ZBTB20: variants seen among roughly 807,000 people sequenced by gnomAD.
ZBTB20 encodes zinc finger and BTB domain-containing protein 20.
Under a neutral mutation model 56.9 loss-of-function variants are expected in ZBTB20, and 9 were observed. The observed-to-expected ratio is 0.16, with a 90% CI of 0.10 to 0.28. The LOEUF (loss-of-function observed/expected upper bound fraction) is 0.28, where lower values mean the gene tolerates loss of function less well. ZBTB20 is among the 10% of genes least tolerant of loss of function. ZBTB20 has a pLI of 1.00. For missense variants in ZBTB20, 655 were observed against 1,003.0 expected (o/e 0.65, Z 4.69); for synonymous variants, 417 against 420.7 (o/e 0.99, Z 0.11).
chr3:114,544,875 A>C (rs1160034227), intron 6 of ZBTB20, among the ~76,000 whole-genome samples: 1 of 152,162 alleles, frequency 6.6e-6, no homozygotes, highest in African/African-American at 2.4e-5. Flanking sequence ...TCATTCATTC[A>C]GTGTTTATTT....
At chr3:114,448,525 GA>G (rs2091410494) in intron 7 of ZBTB20, among the ~76,000 whole-genome samples, 1 of 152,042 alleles carries the variant, frequency 6.6e-6, no homozygotes, top group Admixed American at 6.6e-5. Flanking sequence ...CTTTCCAAGA[GA>G]TTGCAGGTTA....
At chr3:114,404,058 C>A (rs542399503) in intron 7 of ZBTB20, among the ~76,000 whole-genome samples, 1 of 152,264 alleles carries the variant, frequency 6.6e-6, no homozygotes, top group Admixed American at 6.5e-5. Context: ...TTGCTTTCTC[C>A]TGCTCCGTGC....
At chr3:114,368,750 G>C (rs564405266) in intron 10 of ZBTB20, among the ~76,000 whole-genome samples, 1 of 152,226 alleles carries the variant, frequency 6.6e-6, no homozygotes, top group Non-Finnish European at 1.5e-5. Context: ...CGCTTTGCCT[G>C]TATCACTGCC....
intron 5 of ZBTB20, among the ~76,000 whole-genome samples, chr3:114,709,475 T>C (rs781457506): frequency 4.6e-5 from 7 of 152,170 alleles, no homozygotes; most frequent in Non-Finnish European, 8.8e-5. Context: ...CACTTAAGAA[T>C]GAACTGGAGT....
intron 6 of ZBTB20, among the ~76,000 whole-genome samples, chr3:114,536,082 T>C (rs2669905): frequency 0.11 from 16,344 of 152,164 alleles, 2,359 homozygotes; most frequent in African/African-American, 0.33. Context: ...CTCTGAAAAC[T>C]AGCACAAGAC....
chr3:114,464,538 C>T (rs895323663), intron 7 of ZBTB20, among the ~76,000 whole-genome samples: 2 of 152,170 alleles, frequency 1.3e-5, no homozygotes, highest in Non-Finnish European at 2.9e-5. Flanking sequence ...CCCACAAACA[C>T]ATTTGCACAT....
intron 6 of ZBTB20, among the ~76,000 whole-genome samples, chr3:114,556,402 T>A (rs1473934326): frequency 6.6e-6 from 1 of 152,036 alleles, no homozygotes. Flanking sequence ...GAAAGTTTCA[T>A]CTAAAACATA....
At chr3:114,691,653 A>G (rs2062704367) in intron 6 of ZBTB20, among the ~76,000 whole-genome samples, 1 of 152,026 alleles carries the variant, frequency 6.6e-6, no homozygotes, top group Admixed American at 6.6e-5. Context: ...ATGTAATTAC[A>G]TATTTCTTAG....
Position 114,913,122 on chromosome 3 carries a change from T to C in ZBTB20, c.-455-12780A>G, listed in dbSNP as rs1295029995. Among the ~76,000 whole-genome samples, 7 of 152,168 alleles carry C rather than the reference T, an allele frequency of 4.6e-5. No homozygotes were observed. The East Asian group carries it at 1.4e-3, about 29-fold the overall frequency. On this transcript the variant is annotated intron_variant, in intron 3 of 11. Coordinates refer to ENST00000675478, the MANE Select transcript of ZBTB20 (RefSeq NM_001348800.3). ...CTAGCAGTCAGATTGCTGGACCATA[T>C]GGTAGATCTGTTTTTAGTTTTCTGA...
intron 6 of ZBTB20, among the ~76,000 whole-genome samples, chr3:114,522,571 G>A (rs1346220074): frequency 6.6e-6 from 1 of 152,126 alleles, no homozygotes; most frequent in Non-Finnish European, 1.5e-5. Context: ...AAGTGGTAAG[G>A]CCAGAAGCAG....
At chr3:114,582,388 T>TG (rs2054730108) in intron 6 of ZBTB20, 1 of 147,634 alleles carries the variant, frequency 6.8e-6, no homozygotes, top group Non-Finnish European at 1.5e-5. Context: ...GTGTTTTAAT[T>TG]TTTTTTTTTT....
intron 5 of ZBTB20, among the ~76,000 whole-genome samples, chr3:114,717,527 A>G (rs896511870): frequency 6.6e-6 from 1 of 152,014 alleles, no homozygotes; most frequent in African/African-American, 2.4e-5. Context: ...TTGCTTTTCC[A>G]CTGGGGAGGC....
intron 2 of ZBTB20, among the ~76,000 whole-genome samples, chr3:114,989,723 C>T (rs905950988): frequency 3.3e-5 from 5 of 151,852 alleles, no homozygotes; most frequent in Non-Finnish European, 5.9e-5. Flanking sequence ...ATTGATTCTT[C>T]CTATCCATGA....
intron 5 of ZBTB20, among the ~76,000 whole-genome samples, chr3:114,787,182 T>G (rs2070560054): frequency 1.3e-5 from 2 of 151,468 alleles, no homozygotes; most frequent in South Asian, 4.2e-4. Flanking sequence ...CTCCCTGTGT[T>G]GTCCAGGCTG....
chr3:114,456,854 T>G (rs1238668617), intron 7 of ZBTB20, among the ~76,000 whole-genome samples: 1 of 152,226 alleles, frequency 6.6e-6, no homozygotes, highest in African/African-American at 2.4e-5. Flanking sequence ...CTCTCAGTCA[T>G]GCTTCAGCAA....
At chr3:114,955,365 G>A (rs999511607) in intron 3 of ZBTB20, among the ~76,000 whole-genome samples, 12 of 152,174 alleles carry the variant, frequency 7.9e-5, no homozygotes, top group Non-Finnish European at 1.3e-4. Flanking sequence ...TCTGTTTACA[G>A]AGCACATACG....
In ZBTB20 at chr3:114,328,792, G is replaced by A. The variant is rs1196096853; in HGVS notation, c.*10213C>T. The A allele has an allele frequency of 6.6e-6, 1 of 151,450 alleles. No homozygotes were observed. Among genetic ancestry groups the A allele is most frequent in the Non-Finnish European group, 1.5e-5 (1 of 68,016 alleles). 9.4% of individuals were successfully genotyped at this position (151,450 alleles called of 1,614,324 possible). A position where few individuals can be genotyped will look rare whatever the true frequency, so the allele number is the denominator to read the frequency against. On this transcript the variant is annotated 3_prime_UTR_variant, in exon 12 of 12. Coordinates refer to ENST00000675478, the MANE Select transcript of ZBTB20 (RefSeq NM_001348800.3). Reference sequence around the variant, plus strand: ...AGAAAGGAAGAGAAATGAACAGTTAGGGGTCACAATTATTAGAGTTTTGGG... The same window carrying A: ...AGAAAGGAAGAGAAATGAACAGTTAAGGGTCACAATTATTAGAGTTTTGGG...
At chr3:114,732,365 C>T (rs2065823112) in intron 5 of ZBTB20, among the ~76,000 whole-genome samples, 1 of 152,056 alleles carries the variant, frequency 6.6e-6, no homozygotes, top group East Asian at 1.9e-4. Context: ...GAAAGAGTCA[C>T]TCATGTTTAA....
intron 6 of ZBTB20, among the ~76,000 whole-genome samples, chr3:114,530,968 T>C (rs1010022263): frequency 2.0e-5 from 3 of 152,198 alleles, no homozygotes; most frequent in African/African-American, 7.2e-5. Context: ...TCTGAGTTTT[T>C]CTTTCTCTCA....
Sources: gnomAD v4.1 joint callset for allele counts (sites outside exome capture counted in the v4.1 genomes callset) on GRCh38, gnomAD v4.1.1 for gene constraint, MANE v1.5 for transcripts, NCBI Gene and HGNC (gene_info 2026-07-23, HGNC 2026-07-21) for gene names.